SLC36A2: variants seen among roughly 807,000 people sequenced by gnomAD.
The protein encoded by SLC36A2 is solute carrier family 36 member 2, also known as proton-coupled amino acid transporter 2.
In SLC36A2, 39 loss-of-function variants were observed where a neutral mutation model predicts 42.7. That is an observed-to-expected ratio of 0.91 (90% CI 0.71 to 1.19). The LOEUF is 1.19. Ranked by LOEUF, SLC36A2 falls within the 50% of genes most tolerant of loss-of-function variation. The pLI, the probability that SLC36A2 is intolerant of heterozygous loss-of-function variation, is 0.00. For synonymous variants in SLC36A2, 237 were observed against 240.8 expected (o/e 0.98, Z 0.15); for missense variants, 590 against 613.7 (o/e 0.96, Z 0.41).
At chr5:151,326,226 G>A (rs978771310) in intron 7 of SLC36A2, among the ~76,000 whole-genome samples, 9 of 152,158 alleles carry the variant, frequency 5.9e-5, no homozygotes, top group African/African-American at 1.2e-4. Flanking sequence ...CAGCAGATGC[G>A]TTTTGTTTTG....
intron 8 of SLC36A2, among the ~76,000 whole-genome samples, chr5:151,324,878 CT>C (rs1755808503): frequency 6.6e-6 from 1 of 152,162 alleles, no homozygotes; most frequent in Admixed American, 6.5e-5. Context: ...TTGTTTTCCA[CT>C]TTTCTATCTG....
chr5:151,331,876 T>G (rs1756005236), intron 7 of SLC36A2, among the ~76,000 whole-genome samples: 1 of 151,852 alleles, frequency 6.6e-6, no homozygotes, highest in African/African-American at 2.4e-5. Flanking sequence ...CATCTCTCTT[T>G]TTTTTTATGG....
At position 151,325,180 on chromosome 5, in the gene SLC36A2, G is replaced by A. The variant is rs549247909; in HGVS notation, c.1010+106C>T. On this transcript the variant is annotated intron_variant, in intron 8 of 9. Transcript: ENST00000335244. The stretch of plus-strand genomic sequence containing the variant: ...AATGACAATTCTGCTTCTTCTGTGG[G>A]AGGCTCTCTAGACCTCAGTTTCCCA... 101 of 1,320,526 alleles carry A rather than the reference G, an allele frequency of 7.6e-5. No homozygotes were observed. In the South Asian group the frequency reaches 1.2e-3, roughly 16 times the overall value. 81.8% of individuals were successfully genotyped at this position (1,320,526 alleles called of 1,614,324 possible). A position where few individuals can be genotyped will look rare whatever the true frequency, so the allele number is the denominator to read the frequency against.
At chr5:151,332,464 A>G (rs1473839060) in intron 7 of SLC36A2, 1 of 455,956 alleles carries the variant, frequency 2.2e-6, no homozygotes, top group South Asian at 1.6e-5. Flanking sequence ...AACTAGAAAC[A>G]ACCCAAATGT....
At chr5:151,323,239 A>G (rs906056366) in intron 8 of SLC36A2, among the ~76,000 whole-genome samples, 1 of 126,770 alleles carries the variant, frequency 7.9e-6, no homozygotes, top group Non-Finnish European at 1.6e-5. Context: ...TGTCTCAAAA[A>G]TAAATAGATA....
intron 7 of SLC36A2, among the ~76,000 whole-genome samples, chr5:151,326,786 C>T (rs1347138112): frequency 6.7e-6 from 1 of 150,356 alleles, no homozygotes; most frequent in Non-Finnish European, 1.5e-5. Context: ...GTTTTCTTAT[C>T]TGAAAACGGG....
At chr5:151,332,001 G>A (rs529284235) in intron 7 of SLC36A2, among the ~76,000 whole-genome samples, 2 of 152,070 alleles carry the variant, frequency 1.3e-5, no homozygotes, top group South Asian at 4.2e-4. Context: ...TGAGTATCTG[G>A]GATTACAGGT....
chr5:151,326,260 A>G (rs1755847876), intron 7 of SLC36A2, among the ~76,000 whole-genome samples: 1 of 152,216 alleles, frequency 6.6e-6, no homozygotes, highest in Non-Finnish European at 1.5e-5. Flanking sequence ...TCGACAATTG[A>G]ATATGAATGC....
chr5:151,326,261 A>C (rs372165678), intron 7 of SLC36A2, among the ~76,000 whole-genome samples: 4 of 152,218 alleles, frequency 2.6e-5, no homozygotes, highest in African/African-American at 9.6e-5. Flanking sequence ...CGACAATTGA[A>C]TATGAATGCC....
chr5:151,332,756 T>C (rs1176198952), intron 7 of SLC36A2, among the ~76,000 whole-genome samples: 1 of 152,184 alleles, frequency 6.6e-6, no homozygotes, highest in Non-Finnish European at 1.5e-5. Context: ...CTTACAGGAA[T>C]GTACACCAAA....
Position 151,322,165 on chromosome 5 carries a change from T to C in SLC36A2, c.1061A>G (p.Tyr354Cys). ...TGCAGGGACGTAGAACTGCAGGGCA[T>C]AGGTGCACAGGATGCCGGCAATGTA... ...LLYIAGILCT[Y>C]ALQFYVPAEI... is the part of the protein sequence containing the mutation. The change falls in exon 9 of 10, where the codon TAT (tyrosine) becomes TGT (cysteine). Residue 354 changes from tyrosine to cysteine, a missense_variant. Transcript: ENST00000335244. 6.2e-7 allele frequency: 1 copy of C among 1,614,104 alleles called. No homozygotes were observed. Among genetic ancestry groups the C allele is most frequent in the East Asian group, 2.2e-5 (1 of 44,878 alleles).
Position 151,342,941 on chromosome 5 carries a change from A to G in SLC36A2, c.387T>C (p.His129=), listed in dbSNP as rs748431387. Residue 129 remains histidine (H), a synonymous_variant, in exon 4 of 10, where the codon CAT becomes CAC. Coordinates refer to ENST00000335244, the MANE Select transcript of SLC36A2 (RefSeq NM_181776.3). Reference sequence around the variant, plus strand: ...AGGCGTTGGGGTTGGCTTCTAGTCCATGCATCACCGTGTCCCCATAGTCCA... The same window carrying G: ...AGGCGTTGGGGTTGGCTTCTAGTCCGTGCATCACCGTGTCCCCATAGTCCA... ...PFMDYGDTVM[H]GLEANPNAWL... The G allele has an allele frequency of 8.3e-5, 134 of 1,614,000 alleles. No individual in the cohort carries two copies. Among genetic ancestry groups the G allele is most frequent in the Non-Finnish European group, 1.1e-4 (125 of 1,180,008 alleles).
chr5:151,346,152 C>T (rs1756490657), intron 1 of SLC36A2, among the ~76,000 whole-genome samples: 1 of 152,198 alleles, frequency 6.6e-6, no homozygotes, highest in Non-Finnish European at 1.5e-5. Flanking sequence ...TGTATCAGTT[C>T]AGGACACAAG....
Position 151,340,177 on chromosome 5 carries a change from G to GGA in SLC36A2, c.441-1035_441-1034dup, listed in dbSNP as rs1554098841. 4.2e-4 allele frequency among the ~76,000 whole-genome samples: 46 copies of GGA among 109,116 alleles called. 2 individuals carry two copies. The highest frequency in any genetic ancestry group is 4.1e-3 in the Middle Eastern group (1 of 244). 71.6% of individuals were successfully genotyped at this position (109,116 alleles called of 152,430 possible). On this transcript the variant is annotated intron_variant, in intron 4 of 9. Coordinates refer to ENST00000335244, the MANE Select transcript of SLC36A2 (RefSeq NM_181776.3). The stretch of plus-strand genomic sequence containing the variant: ...GGAGGAGGAAGAAGAGGAAGGAGGA[G>GGA]GAGGAGGAAGAGGTGGAGGAGGAGG...
chr5:151,332,974 G>A (rs1756039633), intron 7 of SLC36A2, among the ~76,000 whole-genome samples: 1 of 152,196 alleles, frequency 6.6e-6, no homozygotes, highest in Non-Finnish European at 1.5e-5. Flanking sequence ...GTCGATAGGA[G>A]GATAGATGTT....
chr5:151,327,496 T>C (rs925630207), intron 7 of SLC36A2, among the ~76,000 whole-genome samples: 6 of 152,222 alleles, frequency 3.9e-5, no homozygotes, highest in Non-Finnish European at 5.9e-5. Context: ...CCTCTCTCTA[T>C]TCCAGGCATT....
At chr5:151,339,196 T>G in intron 4 of SLC36A2, 52 bp from the exon 5 acceptor site, 1 of 1,422,076 alleles carries the variant, frequency 7.0e-7, no homozygotes, top group Non-Finnish European at 9.9e-7. Context: ...ATAAGTCAAC[T>G]TGTCAGTTCC....
intron 2 of SLC36A2, 81 bp from the exon 3 acceptor site, chr5:151,343,679 T>G: frequency 7.8e-7 from 1 of 1,289,080 alleles, no homozygotes; most frequent in Non-Finnish European, 1.1e-6. Flanking sequence ...GGCTTGGTAG[T>G]GCTGATATCA....
intron 9 of SLC36A2, among the ~76,000 whole-genome samples, chr5:151,318,599 TAATA>T (rs1014747460): frequency 2.1e-5 from 3 of 145,966 alleles, no homozygotes; most frequent in African/African-American, 4.9e-5. Flanking sequence ...TATAAAAATA[TAATA>T]AATATAAATA....
Sources: allele counts gnomAD v4.1 joint callset (sites outside exome capture counted in the v4.1 genomes callset), GRCh38; gene constraint gnomAD v4.1.1; transcripts MANE v1.5; gene names NCBI Gene and HGNC (gene_info 2026-07-23, HGNC 2026-07-21).